The following CSMD1 variants were observed in gnomAD, a reference collection of about 807,000 sequenced individuals.
CSMD1 encodes CUB and Sushi multiple domains 1.
In CSMD1, 213 loss-of-function variants were observed where a neutral mutation model predicts 417.5. The observed-to-expected ratio is 0.51, with a 90% CI of 0.46 to 0.57. The LOEUF (loss-of-function observed/expected upper bound fraction) is 0.57. CSMD1 is among the 20% of genes least tolerant of loss of function. The pLI, the probability that CSMD1 is intolerant of heterozygous loss-of-function variation, is 0.00. For missense variants in CSMD1, 6,923 were observed against 4,529.7 expected (o/e 1.53, Z -15.17); for synonymous variants, 2,862 against 1,736.8 (o/e 1.65, Z -16.11).
intron 38 of CSMD1, among the ~76,000 whole-genome samples, chr8:3,159,037 G>A (rs1819717461): frequency 6.6e-6 from 1 of 152,108 alleles, no homozygotes; most frequent in Non-Finnish European, 1.5e-5. Flanking sequence ...CAGTAAAGAA[G>A]ACCATATTTA....
intron 1 of CSMD1, among the ~76,000 whole-genome samples, chr8:4,977,436 T>A (rs1584944279): frequency 6.6e-6 from 1 of 151,976 alleles, no homozygotes; most frequent in South Asian, 2.1e-4. Context: ...GAGGGGTGGG[T>A]GCATGTCCAC....
chr8:4,186,805 G>A (rs1434504953), intron 3 of CSMD1, among the ~76,000 whole-genome samples: 6 of 149,600 alleles, frequency 4.0e-5, no homozygotes, highest in African/African-American at 1.5e-4. Context: ...TGGTCTACAT[G>A]GTGACACCCC....
At chr8:4,509,497 G>T (rs371722453) in intron 2 of CSMD1, among the ~76,000 whole-genome samples, 1 of 152,134 alleles carries the variant, frequency 6.6e-6, no homozygotes, top group Admixed American at 6.5e-5. Flanking sequence ...CTTACTAGAC[G>T]CTGTCTACGT....
intron 3 of CSMD1, among the ~76,000 whole-genome samples, chr8:4,207,462 A>T (rs571091446): frequency 1.3e-5 from 2 of 152,282 alleles, no homozygotes; most frequent in South Asian, 4.1e-4. Flanking sequence ...ACCATATCTA[A>T]AATTTTAAAT....
intron 3 of CSMD1, among the ~76,000 whole-genome samples, chr8:4,379,262 A>G (rs113397536): frequency 6.0e-4 from 91 of 152,306 alleles, no homozygotes; most frequent in Non-Finnish European, 1.1e-3. Flanking sequence ...GACTTTTTAA[A>G]AAATAGGTGA....
At chr8:4,375,708 G>T (rs763621144) in intron 3 of CSMD1, among the ~76,000 whole-genome samples, 5 of 152,264 alleles carry the variant, frequency 3.3e-5, no homozygotes, top group South Asian at 4.1e-4. Flanking sequence ...AGGTCTGCAT[G>T]ACTGTTTTCT....
intron 12 of CSMD1, among the ~76,000 whole-genome samples, chr8:3,450,057 G>C (rs752074276): frequency 2.0e-5 from 3 of 152,098 alleles, no homozygotes; most frequent in Non-Finnish European, 4.4e-5. Flanking sequence ...CCCTGGTTGA[G>C]ACACATACGA....
At chr8:3,122,612 A>G (rs9987129) in intron 41 of CSMD1, among the ~76,000 whole-genome samples, 48,129 of 152,016 alleles carry the variant, frequency 0.32, 11,896 homozygotes, top group African/African-American at 0.69. Flanking sequence ...TCAATCTCAT[A>G]CTATTCTCGT....
chr8:4,636,907 C>T (rs1802845974), intron 2 of CSMD1, among the ~76,000 whole-genome samples: 1 of 152,018 alleles, frequency 6.6e-6, no homozygotes, highest in Non-Finnish European at 1.5e-5. Context: ...CTGTAAAACA[C>T]ACCAATCAGC....
intron 3 of CSMD1, among the ~76,000 whole-genome samples, chr8:4,268,234 G>C (rs1033429536): frequency 2.0e-5 from 3 of 152,100 alleles, no homozygotes; most frequent in Non-Finnish European, 4.4e-5. Context: ...TAATTGTAAG[G>C]TGAGCAAAAG....
chr8:2,991,257 G>C (rs1020061820), intron 54 of CSMD1, among the ~76,000 whole-genome samples: 1 of 152,128 alleles, frequency 6.6e-6, no homozygotes, highest in African/African-American at 2.4e-5. Flanking sequence ...TAATACACAT[G>C]GCACTCTGAT....
At chr8:3,344,245 G>A (rs886073807) in intron 22 of CSMD1, among the ~76,000 whole-genome samples, 1 of 152,100 alleles carries the variant, frequency 6.6e-6, no homozygotes, top group South Asian at 2.1e-4. Flanking sequence ...ATGAGGATCG[G>A]GTAAAAGTGT....
chr8:4,778,068 G>A (rs753825202), intron 1 of CSMD1, among the ~76,000 whole-genome samples: 2 of 152,140 alleles, frequency 1.3e-5, no homozygotes, highest in Admixed American at 6.5e-5. Context: ...AACACACACA[G>A]GCATACTGGT....
intron 3 of CSMD1, among the ~76,000 whole-genome samples, chr8:4,358,586 A>C (rs1016602423): frequency 1.3e-5 from 2 of 152,188 alleles, no homozygotes; most frequent in Non-Finnish European, 2.9e-5. Context: ...ATTTAAAGAA[A>C]AAGTGTGCTG....
chr8:4,100,267 T>C (rs1378628750), intron 3 of CSMD1, among the ~76,000 whole-genome samples: 1 of 152,180 alleles, frequency 6.6e-6, no homozygotes, highest in Non-Finnish European at 1.5e-5. Flanking sequence ...TTAATTGTCA[T>C]AGTATTCATC....
At chr8:3,179,149 G>A (rs542990737) in intron 37 of CSMD1, among the ~76,000 whole-genome samples, 14 of 151,284 alleles carry the variant, frequency 9.3e-5, no homozygotes, top group Middle Eastern at 3.4e-3. Flanking sequence ...GTTTCAACGT[G>A]TTAGCCAGGA....
chr8:4,472,475 G>C (rs1462563960), intron 2 of CSMD1, among the ~76,000 whole-genome samples: 1 of 151,988 alleles, frequency 6.6e-6, no homozygotes, highest in Non-Finnish European at 1.5e-5. Context: ...AATAAAATGA[G>C]AGGGACCCGG....
At chr8:4,117,022 T>C (rs1157019684) in intron 3 of CSMD1, among the ~76,000 whole-genome samples, 1 of 152,000 alleles carries the variant, frequency 6.6e-6, no homozygotes, top group East Asian at 1.9e-4. Flanking sequence ...TAACCTTTTT[T>C]TTTCTTTTCG....
At chr8:3,237,456 C>A (rs991905510) in intron 26 of CSMD1, among the ~76,000 whole-genome samples, 28 of 148,860 alleles carry the variant, frequency 1.9e-4, no homozygotes, top group African/African-American at 6.7e-4. Context: ...GACTCCATCT[C>A]AAAACAAAAA....
Sources: gnomAD v4.1 joint callset for allele counts (sites outside exome capture counted in the v4.1 genomes callset) on GRCh38, gnomAD v4.1.1 for gene constraint, MANE v1.5 for transcripts, NCBI Gene and HGNC (gene_info 2026-07-23, HGNC 2026-07-21) for gene names.